The following MTA3 variants were observed in gnomAD, a reference collection of about 807,000 sequenced individuals.
MTA3 encodes the protein metastasis associated 1 family member 3, also known as metastasis-associated protein MTA3.
Under a neutral mutation model 83.5 loss-of-function variants are expected in MTA3, and 34 were observed. That is an observed-to-expected ratio of 0.41 (90% CI 0.31 to 0.54). MTA3 has a LOEUF of 0.54. Ranked by LOEUF, MTA3 falls within the 20% of genes least tolerant of loss-of-function variation. The pLI is 0.33. For synonymous variants in MTA3, 303 were observed against 252.7 expected (o/e 1.20, Z -1.89); for missense variants, 761 against 726.4 (o/e 1.05, Z -0.55).
At chr2:42,563,007 G>A (rs1677740568) in intron 2 of MTA3, among the ~76,000 whole-genome samples, 1 of 151,892 alleles carries the variant, frequency 6.6e-6, no homozygotes, top group Non-Finnish European at 1.5e-5. Flanking sequence ...TGCCTCCCTA[G>A]AGTCACCAGA....
intron 2 of MTA3, among the ~76,000 whole-genome samples, chr2:42,526,400 C>G (rs1675711405): frequency 6.6e-6 from 1 of 152,110 alleles, no homozygotes; most frequent in Non-Finnish European, 1.5e-5. Flanking sequence ...CTGGCTCTCC[C>G]TGTGTCCCAC....
chr2:42,517,864 C>CAAA (rs386390061), intron 2 of MTA3, among the ~76,000 whole-genome samples: 37,475 of 94,200 alleles, frequency 0.4, 5,985 homozygotes, highest in Middle Eastern at 0.43. Flanking sequence ...GACTCTGTCT[C>CAAA]AAAAAAAAAA....
intron 2 of MTA3, among the ~76,000 whole-genome samples, chr2:42,507,974 G>A (rs933662092): frequency 4.6e-5 from 7 of 151,382 alleles, no homozygotes; most frequent in African/African-American, 7.3e-5. Context: ...AAGAAACCTA[G>A]TTAAAAAAAA....
intron 8 of MTA3, among the ~76,000 whole-genome samples, chr2:42,681,294 T>G (rs1691881148): frequency 6.6e-6 from 1 of 152,176 alleles, no homozygotes; most frequent in Non-Finnish European, 1.5e-5. Flanking sequence ...GTAATTTTGT[T>G]TTGTTTTGCT....
intron 8 of MTA3, among the ~76,000 whole-genome samples, chr2:42,678,297 C>T (rs1432532263): frequency 1.3e-5 from 2 of 152,008 alleles, no homozygotes; most frequent in East Asian, 1.9e-4. Context: ...TTCATGAAAT[C>T]CCTACTTCTG....
At chr2:42,554,050 A>G (rs1344858094) in intron 2 of MTA3, among the ~76,000 whole-genome samples, 3 of 152,004 alleles carry the variant, frequency 2.0e-5, no homozygotes, top group Non-Finnish European at 4.4e-5. Context: ...CCTGACCAAC[A>G]TGGAGAAACT....
chr2:42,535,212 C>T (rs1333332620), intron 2 of MTA3, among the ~76,000 whole-genome samples: 1 of 151,154 alleles, frequency 6.6e-6, no homozygotes, highest in African/African-American at 2.4e-5. Context: ...CATGGTAAAA[C>T]CCCGTCTCTA....
chr2:42,755,525 G>T lies in MTA3; in HGVS notation c.*2126G>T, dbSNP rs1430114034. Reference sequence around the variant, plus strand: ...GCTTTTCCTTCCTCTTGTAAGTAAAGCTCGTGGTTCTGTAGTCCAGTCATC... The same window carrying T: ...GCTTTTCCTTCCTCTTGTAAGTAAATCTCGTGGTTCTGTAGTCCAGTCATC... On this transcript the variant is annotated 3_prime_UTR_variant, in exon 17 of 17. Transcript: ENST00000405094. The T allele has an allele frequency of 2.0e-6, 2 of 985,444 alleles. No homozygotes were observed. The highest frequency in any genetic ancestry group is 3.5e-5 in the African/African-American group (2 of 57,356). 61.0% of individuals were successfully genotyped at this position (985,444 alleles called of 1,614,324 possible).
At position 42,672,645 on chromosome 2, in the gene MTA3, CAAAAAAAAAAAAAAAAA is replaced by C. The variant is rs5830734; in HGVS notation, c.703-9743_703-9727del. ...GGGTCACAGAGCAAGATTCCATCTC[CAAAAAAAAAAAAAAAAA>C]AAAAAAAAAAAAGTAATCAAAAGGT... On this transcript the variant is annotated intron_variant, in intron 8 of 16. Transcript: ENST00000405094. Among the ~76,000 whole-genome samples the C allele has an allele frequency of 2.5e-4, 13 of 51,566 alleles. No individual in the cohort carries two copies. The East Asian group carries it at 2.8e-3, about 11-fold the overall frequency. The allele number at this position is 51,566 out of a possible 152,430, so 33.8% of individuals were successfully genotyped here.
chr2:42,662,560 C>A (rs1689819942), intron 8 of MTA3, among the ~76,000 whole-genome samples: 1 of 151,664 alleles, frequency 6.6e-6, no homozygotes, highest in African/African-American at 2.4e-5. Flanking sequence ...TATACTTAGG[C>A]CTGTTTATAG....
intron 3 of MTA3, among the ~76,000 whole-genome samples, chr2:42,594,728 A>ATATATATTTTT: frequency 0.013 from 319 of 24,004 alleles, 14 homozygotes; most frequent in East Asian, 0.037. Flanking sequence ...ATATATATAT[A>ATATATATTTTT]TTTTTTTTTT....
At chr2:42,696,372 C>A (rs1259206827) in intron 10 of MTA3, among the ~76,000 whole-genome samples, 1 of 152,102 alleles carries the variant, frequency 6.6e-6, no homozygotes, top group Non-Finnish European at 1.5e-5. Context: ...GAGTCCTTCT[C>A]AAATATCCTA....
chr2:42,648,236 A>G (rs1254329613), intron 6 of MTA3, among the ~76,000 whole-genome samples: 2 of 152,240 alleles, frequency 1.3e-5, no homozygotes, highest in African/African-American at 2.4e-5. Flanking sequence ...AAACATGGTC[A>G]TTGCCATCAC....
intron 2 of MTA3, among the ~76,000 whole-genome samples, chr2:42,545,507 A>G (rs903366247): frequency 6.6e-6 from 1 of 152,140 alleles, no homozygotes; most frequent in Non-Finnish European, 1.5e-5. Context: ...TGGAAGGGAG[A>G]GTGGGAGGTT....
At chr2:42,669,216 C>G (rs1353186538) in intron 8 of MTA3, among the ~76,000 whole-genome samples, 2 of 151,230 alleles carry the variant, frequency 1.3e-5, no homozygotes, top group African/African-American at 2.4e-5. Context: ...TCCTGAATAT[C>G]TGGAATTACA....
chr2:42,632,876 A>C (rs1398842156), intron 4 of MTA3, among the ~76,000 whole-genome samples: 4 of 152,080 alleles, frequency 2.6e-5, no homozygotes, highest in Non-Finnish European at 5.9e-5. Flanking sequence ...CTGTTAAAGC[A>C]GTATTAGTAA....
chr2:42,564,716 C>T (rs1304844930), upstream of MTA3, among the ~76,000 whole-genome samples: 1 of 152,212 alleles, frequency 6.6e-6, no homozygotes, highest in South Asian at 2.1e-4. Context: ...TTTTAGACCT[C>T]CAGGCTCCTG....
chr2:42,497,849 C>T (rs1344732540), intron 2 of MTA3, among the ~76,000 whole-genome samples: 1 of 152,192 alleles, frequency 6.6e-6, no homozygotes, highest in Non-Finnish European at 1.5e-5. Context: ...CCCAAATCAG[C>T]CATGCTCATT....
chr2:42,596,683 A>G (rs1347628829), intron 3 of MTA3, among the ~76,000 whole-genome samples: 2 of 152,212 alleles, frequency 1.3e-5, no homozygotes, highest in African/African-American at 4.8e-5. Context: ...TAAATGAGGC[A>G]TTCCAGCAAT....
Sources: gnomAD v4.1 joint callset for allele counts (sites outside exome capture counted in the v4.1 genomes callset) on GRCh38, gnomAD v4.1.1 for gene constraint, MANE v1.5 for transcripts, NCBI Gene and HGNC (gene_info 2026-07-23, HGNC 2026-07-21) for gene names.